SLC25A26: variants seen among roughly 807,000 people sequenced by gnomAD.
The protein encoded by SLC25A26 is mitochondrial S-adenosylmethionine carrier protein.
Under a neutral mutation model 37.8 loss-of-function variants are expected in SLC25A26, and 36 were observed. That is an observed-to-expected ratio of 0.95 (90% CI 0.73 to 1.26). SLC25A26 has a LOEUF of 1.26. SLC25A26 is among the 50% of genes most tolerant of loss of function. The pLI is 0.00. For synonymous variants in SLC25A26, 129 were observed against 122.5 expected, an observed-to-expected ratio of 1.05 and a Z score of -0.35; for missense variants, 390 against 331.1, an observed-to-expected ratio of 1.18 and a Z score of -1.38.
At chr3:66,356,950 C>G (rs1043880665) in intron 6 of SLC25A26, among the ~76,000 whole-genome samples, 3 of 152,092 alleles carry the variant, frequency 2.0e-5, no homozygotes, top group Admixed American at 1.3e-4. Context: ...ATTTTTGTAA[C>G]TCTTCTGTAA....
intron 1 of SLC25A26, among the ~76,000 whole-genome samples, chr3:66,135,750 C>G (rs2069937199): frequency 6.6e-6 from 1 of 152,056 alleles, no homozygotes; most frequent in Non-Finnish European, 1.5e-5. Context: ...GCCTGGGTAA[C>G]AGAGCAAAAC....
intron 1 of SLC25A26, among the ~76,000 whole-genome samples, chr3:66,141,539 G>A (rs2070034060): frequency 1.3e-5 from 2 of 150,082 alleles, no homozygotes; most frequent in African/African-American, 4.9e-5. Flanking sequence ...TTGAGACAGA[G>A]TCTTATTCTG....
chr3:66,263,869 AG>A (rs1297855601), intron 5 of SLC25A26, among the ~76,000 whole-genome samples: 1 of 152,110 alleles, frequency 6.6e-6, no homozygotes, highest in Non-Finnish European at 1.5e-5. Context: ...CATGTTAGCC[AG>A]GATGGTCTCA....
intron 3 of SLC25A26, among the ~76,000 whole-genome samples, chr3:66,251,408 C>T (rs992762352): frequency 9.2e-5 from 14 of 152,140 alleles, no homozygotes; most frequent in Non-Finnish European, 2.9e-5. Flanking sequence ...CGACATCCTT[C>T]AGTGCGTTTT....
At chr3:66,370,662 T>A in intron 9 of SLC25A26, 60 bp downstream of exon 9, 1 of 1,344,752 alleles carries the variant, frequency 7.4e-7, no homozygotes, top group Non-Finnish European at 1.1e-6. Flanking sequence ...TCCTTTAGCC[T>A]AACTTTGGAT....
At chr3:66,248,989 A>C (rs1043647963) in intron 3 of SLC25A26, among the ~76,000 whole-genome samples, 2 of 152,218 alleles carry the variant, frequency 1.3e-5, no homozygotes, top group African/African-American at 4.8e-5. Context: ...CTTACACCCC[A>C]GTAGTAAATA....
chr3:66,134,886 A>G (rs1471231473), intron 1 of SLC25A26, among the ~76,000 whole-genome samples: 1 of 151,728 alleles, frequency 6.6e-6, no homozygotes, highest in African/African-American at 2.4e-5. Context: ...GCTGTAGTGC[A>G]ATGGCGTGAT....
chr3:66,270,445 T>G lies in SLC25A26; in HGVS notation c.453+7066T>G, dbSNP rs555406359. 2.0e-5 allele frequency among the ~76,000 whole-genome samples: 3 copies of G among 152,326 alleles called. No individual in the cohort carries two copies. In the East Asian group the frequency reaches 5.8e-4, roughly 29 times the overall value. ...GACCAAATAGAACATCTGTTAAAATTCCATAATGCTAGCTTCATGGGAAAA... is the reference window on the plus strand; with the variant it reads ...GACCAAATAGAACATCTGTTAAAATGCCATAATGCTAGCTTCATGGGAAAA... On this transcript the variant is annotated intron_variant, in intron 5 of 9. Transcript: ENST00000354883.
chr3:66,250,390 C>G (rs1035457151), intron 3 of SLC25A26, among the ~76,000 whole-genome samples: 1 of 152,174 alleles, frequency 6.6e-6, no homozygotes, highest in African/African-American at 2.4e-5. Context: ...GAACTATAGA[C>G]GGTCCGTGAC....
chr3:66,146,406 A>G (rs1025273531), intron 1 of SLC25A26, among the ~76,000 whole-genome samples: 1 of 152,044 alleles, frequency 6.6e-6, no homozygotes, highest in Admixed American at 6.6e-5. Flanking sequence ...ACCTGTGTGT[A>G]TATGTATTTA....
At chr3:66,306,743 A>T (rs1368572882) in intron 5 of SLC25A26, among the ~76,000 whole-genome samples, 1 of 152,142 alleles carries the variant, frequency 6.6e-6, no homozygotes, top group African/African-American at 2.4e-5. Flanking sequence ...ACTTATGAGC[A>T]AGAACATATG....
At chr3:66,273,720 C>CTA (rs1277893052) in intron 5 of SLC25A26, among the ~76,000 whole-genome samples, 3 of 152,076 alleles carry the variant, frequency 2.0e-5, no homozygotes, top group African/African-American at 7.2e-5. Context: ...TCAAGGAGAA[C>CTA]TACAAAGCAC....
intron 2 of SLC25A26, among the ~76,000 whole-genome samples, chr3:66,242,850 T>G (rs1164641399): frequency 6.6e-6 from 1 of 152,264 alleles, no homozygotes; most frequent in Non-Finnish European, 1.5e-5. Flanking sequence ...GATTGTTTTA[T>G]GGCCATCCAT....
At chr3:66,267,626 A>G (rs762753826) in intron 5 of SLC25A26, among the ~76,000 whole-genome samples, 37 of 152,160 alleles carry the variant, frequency 2.4e-4, no homozygotes, top group Non-Finnish European at 4.1e-4. Context: ...AATAACAAAT[A>G]ACTCCTGGTT....
intron 1 of SLC25A26, among the ~76,000 whole-genome samples, chr3:66,227,627 T>A (rs1272895599): frequency 6.6e-6 from 1 of 152,198 alleles, no homozygotes; most frequent in Non-Finnish European, 1.5e-5. Flanking sequence ...TAACTGAAAT[T>A]CATGTATGTA....
chr3:66,299,048 GTGTGTGTGTA>G (rs1164556949), intron 5 of SLC25A26, among the ~76,000 whole-genome samples: 2 of 152,008 alleles, frequency 1.3e-5, no homozygotes, highest in Non-Finnish European at 2.9e-5. Flanking sequence ...CCCTTGGTTT[GTGTGTGTGTA>G]TGTGTGTGTA....
At chr3:66,238,420 C>G (rs922798509) in intron 2 of SLC25A26, among the ~76,000 whole-genome samples, 1 of 151,868 alleles carries the variant, frequency 6.6e-6, no homozygotes, top group East Asian at 1.9e-4. Flanking sequence ...TGCTGTGTCA[C>G]CCCCCAGGCT....
chr3:66,253,850 A>G (rs2073192771), intron 3 of SLC25A26, among the ~76,000 whole-genome samples: 1 of 152,224 alleles, frequency 6.6e-6, no homozygotes, highest in Non-Finnish European at 1.5e-5. Context: ...ACCTCCTGTG[A>G]AATCATGGCT....
intron 1 of SLC25A26, among the ~76,000 whole-genome samples, chr3:66,161,429 T>C (rs1029577321): frequency 2.0e-5 from 3 of 152,174 alleles, no homozygotes; most frequent in East Asian, 1.9e-4. Flanking sequence ...CCCTGGGAAA[T>C]GTGATCCAGA....
Sources: gnomAD v4.1 joint callset for allele counts (sites outside exome capture counted in the v4.1 genomes callset) on GRCh38, gnomAD v4.1.1 for gene constraint, MANE v1.5 for transcripts, NCBI Gene and HGNC (gene_info 2026-07-23, HGNC 2026-07-21) for gene names.